GNG7: variants seen among roughly 807,000 people sequenced by gnomAD.
The protein encoded by GNG7 is G protein subunit gamma 7.
GNG7 carries 1 observed loss-of-function variant against 4.0 expected under a neutral mutation model. That is an observed-to-expected ratio of 0.25 (90% CI 0.09 to 1.18). GNG7 has a LOEUF of 1.18. Among genes scored for constraint, GNG7 ranks in the 50% most tolerant of loss-of-function variants. The pLI, the probability that GNG7 is intolerant of heterozygous loss-of-function variation, is 0.50. For synonymous variants in GNG7, 34 were observed against 36.9 expected, an observed-to-expected ratio of 0.92 and a Z score of 0.29; for missense variants, 86 against 91.9, an observed-to-expected ratio of 0.94 and a Z score of 0.26.
rs191620032 is a variant in GNG7, at chr19:2,684,873, C to T, written c.-135+17773G>A. 7.7e-4 allele frequency among the ~76,000 whole-genome samples: 118 copies of T among 152,314 alleles called. 1 individual carries two copies. The highest frequency in any genetic ancestry group is 4.3e-4 in the Non-Finnish European group (29 of 68,032). ...GCGCAGTGGCTCACGCCTGTAATCC[C>T]AACACTCTGGGAGGCCGAGGCGGGT... On this transcript the variant is annotated intron_variant, in intron 1 of 4. Transcript: ENST00000382159.
At chr19:2,524,661 T>C (rs4807290) in intron 3 of GNG7, among the ~76,000 whole-genome samples, 64,301 of 152,212 alleles carry the variant, frequency 0.42, 13,949 homozygotes, top group African/African-American at 0.54. Context: ...CGTGTGTGCG[T>C]CTGCATATGA....
At chr19:2,637,868 C>T (rs1235127305) in intron 2 of GNG7, among the ~76,000 whole-genome samples, 4 of 152,216 alleles carry the variant, frequency 2.6e-5, no homozygotes, top group South Asian at 2.1e-4. Context: ...GGGGATTCCA[C>T]GGACCCCCAA....
intron 2 of GNG7, among the ~76,000 whole-genome samples, chr19:2,580,101 G>A (rs1045954446): frequency 1.1e-4 from 17 of 152,094 alleles, no homozygotes; most frequent in Admixed American, 2.0e-4. Flanking sequence ...CAACTCCCAG[G>A]GCAGGGGAAT....
chr19:2,606,580 G>A lies in GNG7; in HGVS notation c.-78+39644C>T, dbSNP rs140133183. ...TGAGGCAGCAGAATCGCTTGAACCC[G>A]GGAGGTGGAGGTTGCGGTGAGCCAA... On this transcript the variant is annotated intron_variant, in intron 2 of 4. Coordinates refer to ENST00000382159, the MANE Select transcript of GNG7 (RefSeq NM_052847.3). Among the ~76,000 whole-genome samples the A allele has an allele frequency of 3.0e-3, 448 of 151,684 alleles. 2 individuals are homozygous for A. The highest frequency in any genetic ancestry group is 9.7e-3 in the African/African-American group (399 of 41,308).
intron 3 of GNG7, among the ~76,000 whole-genome samples, chr19:2,542,107 CTT>C (rs1175526574): frequency 3.1e-5 from 2 of 64,570 alleles, no homozygotes; most frequent in African/African-American, 6.7e-5. Flanking sequence ...GCTGTGTGTT[CTT>C]TTTTTTTTTT....
intron 3 of GNG7, among the ~76,000 whole-genome samples, chr19:2,535,350 A>C (rs974285904): frequency 6.6e-6 from 1 of 151,468 alleles, no homozygotes; most frequent in East Asian, 1.9e-4. Flanking sequence ...AATACAAAAA[A>C]CTAGTTGGGT....
At position 2,681,936 on chromosome 19, in the gene GNG7, G is replaced by T. The variant is rs142826053; in HGVS notation, c.-135+20710C>A. On this transcript the variant is annotated intron_variant, in intron 1 of 4. Transcript: ENST00000382159. ...TTTCTTTGTTTTTGTTTGAGATGGA[G>T]TCTTGCTCTGTTGCCCAGGCTGGAG... 3.2e-4 allele frequency among the ~76,000 whole-genome samples: 49 copies of T among 152,300 alleles called. No homozygotes were observed. In the East Asian group the frequency reaches 8.5e-3, roughly 26 times the overall value.
At chr19:2,630,167 G>A (rs1172940502) in intron 2 of GNG7, among the ~76,000 whole-genome samples, 3 of 152,064 alleles carry the variant, frequency 2.0e-5, no homozygotes, top group Non-Finnish European at 4.4e-5. Context: ...AGGGATGGAC[G>A]CCAGAAAAAG....
rs1020738199 is a variant in GNG7 at position 2,570,899 on chromosome 19, C to G, written c.-77-15711G>C. 6.6e-5 allele frequency among the ~76,000 whole-genome samples: 10 copies of G among 152,082 alleles called. No individual in the cohort carries two copies. In the East Asian group the frequency reaches 1.9e-3, roughly 29 times the overall value. On this transcript the variant is annotated intron_variant, in intron 2 of 4. Transcript: ENST00000382159. ...TGCAGCCTTGACCTCCTGAGCTCAA[C>G]CGATCCTCCTGCCTCAGCCTCCCCA...
rs34248001 is a variant in GNG7, at chr19:2,575,089, CT to C, written c.-77-19902del. Among the ~76,000 whole-genome samples the C allele has an allele frequency of 4.4e-3, 614 of 138,632 alleles. 3 individuals are homozygous for C. Among genetic ancestry groups the C allele is most frequent in the South Asian group, 0.017 (73 of 4,404 alleles). 90.9% of individuals were successfully genotyped at this position (138,632 alleles called of 152,430 possible). A position where few individuals can be genotyped will look rare whatever the true frequency, so the allele number is the denominator to read the frequency against. ...TTTTCTTTCCTTTTTTTCTTTCTTT[CT>C]TTTTTTTTTTTTTAGATGGGGTCTT... On this transcript the variant is annotated intron_variant, in intron 2 of 4. Coordinates refer to ENST00000382159, the MANE Select transcript of GNG7 (RefSeq NM_052847.3).
intron 1 of GNG7, among the ~76,000 whole-genome samples, chr19:2,661,357 A>G (rs578241137): frequency 5.2e-4 from 76 of 146,778 alleles, no homozygotes; most frequent in Non-Finnish European, 8.8e-4. Context: ...AGAAAGAAAG[A>G]AAGAAATGGG....
At chr19:2,606,502 A>G (rs1042023370) in intron 2 of GNG7, among the ~76,000 whole-genome samples, 1 of 151,908 alleles carries the variant, frequency 6.6e-6, no homozygotes, top group Middle Eastern at 3.2e-3. Flanking sequence ...TAAAAATACA[A>G]AAATTAGCTG....
At chr19:2,699,850 T>G (rs1284488167) in intron 1 of GNG7, among the ~76,000 whole-genome samples, 1 of 152,144 alleles carries the variant, frequency 6.6e-6, no homozygotes, top group Non-Finnish European at 1.5e-5. Flanking sequence ...TGAACTGAAG[T>G]TGTAAACTCA....
At position 2,553,081 on chromosome 19, in the gene GNG7, T is replaced by C. The variant is rs115647557; in HGVS notation, c.-38+2068A>G. ...CAAAAGTTGGTTCTTTGAAAAGAGC[T>C]AGGTGATTGACAAACCTCTAGCGGG... On this transcript the variant is annotated intron_variant, in intron 3 of 4. Coordinates refer to ENST00000382159, the MANE Select transcript of GNG7 (RefSeq NM_052847.3). Among the ~76,000 whole-genome samples the C allele has an allele frequency of 8.3e-3, 1,123 of 135,974 alleles. 23 individuals carry two copies. Among genetic ancestry groups the C allele is most frequent in the African/African-American group, 0.03 (1,062 of 35,750 alleles). The allele number at this position is 135,974 out of a possible 152,430, so 89.2% of individuals were successfully genotyped here. A position where few individuals can be genotyped will look rare whatever the true frequency, so the allele number is the denominator to read the frequency against.
intron 2 of GNG7, among the ~76,000 whole-genome samples, chr19:2,588,931 C>G (rs555006701): frequency 6.6e-6 from 1 of 152,140 alleles, no homozygotes; most frequent in African/African-American, 2.4e-5. Flanking sequence ...ACTCCCAGGT[C>G]TCCTTTCTCT....
intron 1 of GNG7, among the ~76,000 whole-genome samples, chr19:2,662,839 C>T (rs1983214557): frequency 6.6e-6 from 1 of 152,122 alleles, no homozygotes; most frequent in African/African-American, 2.4e-5. Flanking sequence ...AGGTTCCAGC[C>T]CTCTCATCCT....
rs1972710443 is a variant in GNG7 at position 2,514,964 on chromosome 19, G to C, written c.*58C>G. 2.2e-6 allele frequency: 3 copies of C among 1,366,024 alleles called. No individual in the cohort carries two copies. The East Asian group carries it at 7.0e-5, about 32-fold the overall frequency. 84.6% of individuals were successfully genotyped at this position (1,366,024 alleles called of 1,614,324 possible). ...TGATGCCCTGCCTGAGACAGAGACA[G>C]AGACAGAGAGAGAGAGAGAGAAAGA... On this transcript the variant is annotated 3_prime_UTR_variant, in exon 5 of 5. Transcript: ENST00000382159.
intron 1 of GNG7, among the ~76,000 whole-genome samples, chr19:2,697,443 T>G (rs985097999): frequency 2.0e-5 from 3 of 152,150 alleles, no homozygotes; most frequent in Non-Finnish European, 4.4e-5. Context: ...GCTGTGTGAC[T>G]GAGGATGGGT....
At chr19:2,567,906 G>A (rs994895984) in intron 2 of GNG7, among the ~76,000 whole-genome samples, 5 of 152,154 alleles carry the variant, frequency 3.3e-5, no homozygotes, top group Admixed American at 6.6e-5. Flanking sequence ...AGGCATGGAA[G>A]GGAGAGAAGG....
Sources: gnomAD v4.1 joint callset for allele counts (sites outside exome capture counted in the v4.1 genomes callset) on GRCh38, gnomAD v4.1.1 for gene constraint, MANE v1.5 for transcripts, NCBI Gene and HGNC (gene_info 2026-07-23, HGNC 2026-07-21) for gene names.